Variants in FSTL1 observed in about 807,000 individuals in gnomAD.
The protein encoded by FSTL1 is follistatin like 1.
FSTL1 carries 24 observed loss-of-function variants against 45.9 expected under a neutral mutation model. The ratio of observed to expected loss-of-function variants is 0.52; its 90% CI spans 0.38 to 0.74. The LOEUF (loss-of-function observed/expected upper bound fraction) is 0.74, where lower values mean the gene tolerates loss of function less well. Ranked by LOEUF, FSTL1 falls within the 30% of genes least tolerant of loss-of-function variation. The pLI, the probability that FSTL1 is intolerant of heterozygous loss-of-function variation, is 0.00. For missense variants in FSTL1, 340 were observed against 381.8 expected (o/e 0.89, Z 0.91); for synonymous variants, 120 against 137.6 (o/e 0.87, Z 0.89).
At chr3:120,397,593 AAATAAAAAATAGC>A (rs1366763231) in intron 10 of FSTL1, among the ~76,000 whole-genome samples, 37 of 152,356 alleles carry the variant, frequency 2.4e-4, no homozygotes, top group African/African-American at 8.4e-4. Context: ...AGGACAGCTA[AAATAAAAAATAGC>A]AATAACAAAA....
intron 2 of FSTL1, chr3:120,419,670 T>C (rs534269003): frequency 2.0e-5 from 3 of 152,270 alleles, no homozygotes; most frequent in African/African-American, 7.2e-5. Flanking sequence ...CTTGGAAGGT[T>C]TGGGATTGGG....
chr3:120,446,388 C>T (rs1259334), intron 2 of FSTL1, among the ~76,000 whole-genome samples: 91,702 of 152,086 alleles, frequency 0.6, 30,282 homozygotes, highest in East Asian at 0.79. Flanking sequence ...TTCTGTCACC[C>T]AATCCAGAGA....
In FSTL1 at chr3:120,392,928, C is replaced by T. The variant is rs555864804; in HGVS notation, c.*4024G>A. The stretch of plus-strand genomic sequence containing the variant: ...AAGTAACATACTTCTTTGCACAATT[C>T]GTAATATTAAATTTTGATGAAAGGA... On this transcript the variant is annotated 3_prime_UTR_variant, in exon 11 of 11. Coordinates refer to ENST00000295633, the MANE Select transcript of FSTL1 (RefSeq NM_007085.5). 3.9e-5 allele frequency: 6 copies of T among 152,122 alleles called. No individual in the cohort carries two copies. Among genetic ancestry groups the T allele is most frequent in the Non-Finnish European group, 5.9e-5 (4 of 68,022 alleles). The allele number at this position is 152,122 out of a possible 1,614,324, so 9.4% of individuals were successfully genotyped here. A position where few individuals can be genotyped will look rare whatever the true frequency, so the allele number is the denominator to read the frequency against.
chr3:120,424,528 G>C (rs1428623949), intron 2 of FSTL1, among the ~76,000 whole-genome samples: 1 of 152,162 alleles, frequency 6.6e-6, no homozygotes, highest in Non-Finnish European at 1.5e-5. Flanking sequence ...GAGCAGGAGA[G>C]TGTTAAGAAA....
chr3:120,402,953 T>C (rs765071121), intron 8 of FSTL1, 35 bp from the exon 9 acceptor site: 3 of 1,353,064 alleles, frequency 2.2e-6, no homozygotes. Flanking sequence ...ACAGTTTAGC[T>C]GTGAGGGTGG....
chr3:120,402,689 G>A, intron 9 of FSTL1, 119 bp downstream of exon 9: 4 of 701,774 alleles, frequency 5.7e-6, no homozygotes, highest in Non-Finnish European at 1.0e-5. Flanking sequence ...GGGTCTGCCT[G>A]GGTTCCTTGC....
rs1936655720 is a variant in FSTL1 at position 120,394,438 on chromosome 3, A to G, written c.*2514T>C. On this transcript the variant is annotated 3_prime_UTR_variant, in exon 11 of 11. Coordinates refer to ENST00000295633, the MANE Select transcript of FSTL1 (RefSeq NM_007085.5). ...TTAGATTGTTTCTTGAAGTTTGACTACTTAAAAACATAGGTGTAAAGGAAA... is the reference window on the plus strand; with the variant it reads ...TTAGATTGTTTCTTGAAGTTTGACTGCTTAAAAACATAGGTGTAAAGGAAA... 1.3e-5 allele frequency: 2 copies of G among 152,256 alleles called. No homozygotes were observed. Among genetic ancestry groups the G allele is most frequent in the South Asian group, 4.1e-4 (2 of 4,830 alleles). The allele number at this position is 152,256 out of a possible 1,614,324, so 9.4% of individuals were successfully genotyped here.
intron 2 of FSTL1, among the ~76,000 whole-genome samples, chr3:120,443,424 G>A (rs1197939189): frequency 6.7e-6 from 1 of 149,882 alleles, no homozygotes; most frequent in African/African-American, 2.5e-5. Flanking sequence ...AAACTGACTA[G>A]CATAATGCCT....
intron 10 of FSTL1, among the ~76,000 whole-genome samples, chr3:120,397,746 A>T (rs149770829): frequency 1.3e-5 from 2 of 152,328 alleles, no homozygotes; most frequent in East Asian, 3.9e-4. Flanking sequence ...CAGCAATTCC[A>T]CTTCTAGGTA....
intron 10 of FSTL1, among the ~76,000 whole-genome samples, 171 bp from the exon 11 acceptor site, chr3:120,397,167 GC>G (rs1432084840): frequency 2.0e-5 from 3 of 152,194 alleles, no homozygotes; most frequent in Non-Finnish European, 2.9e-5. Context: ...AAGAACTATG[GC>G]CTATTCATGA....
chr3:120,423,046 T>A (rs1937311057), intron 2 of FSTL1: 1 of 152,228 alleles, frequency 6.6e-6, no homozygotes, highest in African/African-American at 2.4e-5. Context: ...TTAGCCTCTA[T>A]CACAGCTTAT....
chr3:120,425,230 A>G (rs1366223323), intron 2 of FSTL1, among the ~76,000 whole-genome samples: 2 of 152,182 alleles, frequency 1.3e-5, no homozygotes, highest in African/African-American at 4.8e-5. Context: ...GAACTCTGAC[A>G]GCAAAGCAGC....
chr3:120,422,455 C>T (rs1937296319), intron 2 of FSTL1, among the ~76,000 whole-genome samples: 1 of 151,990 alleles, frequency 6.6e-6, no homozygotes, highest in Non-Finnish European at 1.5e-5. Flanking sequence ...CATTTGTACA[C>T]CTTAAATATA....
In FSTL1 at chr3:120,409,599, T is replaced by G. The variant is rs1937010873; in HGVS notation, c.395A>C (p.Glu132Ala). 6.2e-7 allele frequency: 1 copy of G among 1,613,366 alleles called. No homozygotes were observed. The highest frequency in any genetic ancestry group is 1.3e-5 in the African/African-American group (1 of 74,898). Residue 132 changes from glutamate to alanine, a missense_variant, in exon 6 of 11, where the codon GAG (glutamate) becomes GCG (alanine). Coordinates refer to ENST00000295633, the MANE Select transcript of FSTL1 (RefSeq NM_007085.5). Reference protein sequence around the residue: ...RRRIIQWLEAEIIPDGWFSKG... With the variant: ...RRRIIQWLEAAIIPDGWFSKG... ...AGAGAACCAGCCATCTGGAATGATC[T>G]CAGCTTCCAGCCACTGGATGATGCG...
In FSTL1 at chr3:120,402,880, C is replaced by T. The variant is rs1401245117; in HGVS notation, c.733G>A (p.Glu245Lys). Residue 245 changes from glutamate to lysine, a missense_variant, in exon 9 of 11, where the codon GAG becomes AAG. By Grantham distance (56) the Glu-to-Lys change is moderately conservative. Coordinates refer to ENST00000295633, the MANE Select transcript of FSTL1 (RefSeq NM_007085.5). ...LEDETYADGA[E>K]TEVDCNRCVC... is the part of the protein sequence containing the mutation. ...CAGCGGTTACAGTCCACCTCGGTCT[C>T]AGCTCCATCTGCATACGTTTCATCC... The T allele has an allele frequency of 1.2e-6, 2 of 1,613,644 alleles. No individual in the cohort carries two copies. The highest frequency in any genetic ancestry group is 4.5e-5 in the East Asian group (2 of 44,864).
rs1269074320 is a variant in FSTL1 at position 120,394,740 on chromosome 3, A to G, written c.*2212T>C. The G allele has an allele frequency of 1.3e-5, 2 of 152,240 alleles. No homozygotes were observed. Among genetic ancestry groups the G allele is most frequent in the Non-Finnish European group, 2.9e-5 (2 of 68,052 alleles). 9.4% of individuals were successfully genotyped at this position (152,240 alleles called of 1,614,324 possible). A position where few individuals can be genotyped will look rare whatever the true frequency, so the allele number is the denominator to read the frequency against. On this transcript the variant is annotated 3_prime_UTR_variant, in exon 11 of 11. Coordinates refer to ENST00000295633, the MANE Select transcript of FSTL1 (RefSeq NM_007085.5). ...TATGGAAGACTCCCCAGACTAGGCT[A>G]TTTAGCAGCTTCCATGAATGGTCCT...
chr3:120,419,645 A>G (rs1423018596), intron 2 of FSTL1: 5 of 152,376 alleles, frequency 3.3e-5, no homozygotes, highest in Admixed American at 6.5e-5. Flanking sequence ...CACAGCGACT[A>G]TGAGAAGTGA....
chr3:120,447,808 G>A (rs1937790438), intron 2 of FSTL1, among the ~76,000 whole-genome samples: 1 of 152,108 alleles, frequency 6.6e-6, no homozygotes, highest in South Asian at 2.1e-4. Context: ...GTGCTACCAT[G>A]CCCAGGTAAT....
intron 2 of FSTL1, among the ~76,000 whole-genome samples, chr3:120,428,419 T>C (rs988219968): frequency 3.3e-5 from 5 of 152,134 alleles, no homozygotes; most frequent in Admixed American, 2.0e-4. Flanking sequence ...CATAGCAAAG[T>C]AGCACCAGTC....
Sources: gnomAD v4.1 joint callset for allele counts (sites outside exome capture counted in the v4.1 genomes callset) on GRCh38, gnomAD v4.1.1 for gene constraint, MANE v1.5 for transcripts, NCBI Gene and HGNC (gene_info 2026-07-23, HGNC 2026-07-21) for gene names.